PAQR8: variants seen among roughly 807,000 people sequenced by gnomAD.
PAQR8 encodes the protein progestin and adipoQ receptor family member 8.
In PAQR8, 17 loss-of-function variants were observed where a neutral mutation model predicts 25.2. The observed-to-expected ratio is 0.67, with a 90% CI of 0.46 to 1.01. The LOEUF is 1.01. Ranked by LOEUF, PAQR8 falls within the 50% of genes least tolerant of loss-of-function variation. The pLI is 0.00. For synonymous variants in PAQR8, 204 were observed against 190.6 expected, an observed-to-expected ratio of 1.07 and a Z score of -0.58; for missense variants, 392 against 448.4, an observed-to-expected ratio of 0.87 and a Z score of 1.14.
intron 1 of PAQR8, among the ~76,000 whole-genome samples, chr6:52,395,307 C>T (rs1581796438): frequency 6.7e-6 from 1 of 148,760 alleles, no homozygotes; most frequent in East Asian, 2.0e-4. Context: ...TAGATCCCTA[C>T]ATAATGCAAG....
chr6:52,372,601 CTCTT>C (rs1009990649), intron 1 of PAQR8, among the ~76,000 whole-genome samples: 13 of 152,126 alleles, frequency 8.5e-5, no homozygotes, highest in South Asian at 2.1e-4. Context: ...ATTTCTCTCT[CTCTT>C]TCTTTCTCTC....
intron 1 of PAQR8, among the ~76,000 whole-genome samples, chr6:52,368,308 G>A (rs1162435758): frequency 6.6e-6 from 1 of 152,176 alleles, no homozygotes; most frequent in Non-Finnish European, 1.5e-5. Flanking sequence ...GTGGTTCTCA[G>A]TCCTGGCTAT....
intron 1 of PAQR8, among the ~76,000 whole-genome samples, chr6:52,385,654 G>T (rs533275123): frequency 6.6e-6 from 1 of 152,258 alleles, no homozygotes; most frequent in Non-Finnish European, 1.5e-5. Flanking sequence ...GGGGCAAGGT[G>T]GGTAGATTGC....
chr6:52,401,687 G>T (rs898457228), intron 1 of PAQR8, among the ~76,000 whole-genome samples: 1 of 152,104 alleles, frequency 6.6e-6, no homozygotes, highest in African/African-American at 2.4e-5. Flanking sequence ...CCTAGAATGT[G>T]CATTGTTCTT....
chr6:52,388,337 C>T (rs981262550), intron 1 of PAQR8, among the ~76,000 whole-genome samples: 3 of 151,352 alleles, frequency 2.0e-5, no homozygotes, highest in Non-Finnish European at 4.4e-5. Flanking sequence ...GTTGGCATCA[C>T]TGCACTCCAG....
At position 52,378,491 on chromosome 6, in the gene PAQR8, C is replaced by T. The variant is rs150296539; in HGVS notation, c.-53+16242C>T. Among the ~76,000 whole-genome samples, 806 of 152,296 alleles carry T rather than the reference C, an allele frequency of 5.3e-3. 4 individuals carry two copies. The highest frequency in any genetic ancestry group is 0.02 in the Middle Eastern group (6 of 294). On this transcript the variant is annotated intron_variant, in intron 1 of 1. Transcript: ENST00000442253. ...CAAAATTTTGTGGAATATTATTCAACCTTAAAAAGGAAGAAAATTGGCCAG... is the reference window on the plus strand; with the variant it reads ...CAAAATTTTGTGGAATATTATTCAATCTTAAAAAGGAAGAAAATTGGCCAG...
intron 1 of PAQR8, among the ~76,000 whole-genome samples, chr6:52,378,120 A>G (rs541252375): frequency 1.3e-5 from 2 of 152,346 alleles, no homozygotes; most frequent in South Asian, 2.1e-4. Flanking sequence ...ATTCCATTTC[A>G]TAGAGTTGAG....
chr6:52,396,599 G>A (rs1350305134), intron 1 of PAQR8, among the ~76,000 whole-genome samples: 5 of 152,176 alleles, frequency 3.3e-5, no homozygotes, highest in Non-Finnish European at 7.3e-5. Context: ...TGAAGTGAGG[G>A]TTGGGGATGT....
chr6:52,403,750 C>T lies in PAQR8; in HGVS notation c.537C>T (p.Phe179=), dbSNP rs1347805037. The T allele has an allele frequency of 1.9e-6, 3 of 1,614,278 alleles. No homozygotes were observed. Among genetic ancestry groups the T allele is most frequent in the Non-Finnish European group, 1.7e-6 (2 of 1,180,050 alleles). ...GGTATGACCGGTTCTGGCTTTTCTT[C>T]TTGCCAGCAGCTGCCTTCTGTGGCT... ...QAWYDRFWLF[F]LPAAAFCGWL... is the part of the protein sequence containing the mutation. Residue 179 remains phenylalanine, a synonymous_variant, in exon 2 of 2, where the codon TTC becomes TTT. Transcript: ENST00000442253.
intron 1 of PAQR8, among the ~76,000 whole-genome samples, chr6:52,372,291 C>T (rs1227954200): frequency 6.6e-6 from 1 of 152,154 alleles, no homozygotes; most frequent in Non-Finnish European, 1.5e-5. Context: ...TGTAAAAGAT[C>T]TAGGTAATGA....
chr6:52,398,197 C>CT (rs869087625), intron 1 of PAQR8, among the ~76,000 whole-genome samples: 1 of 133,712 alleles, frequency 7.5e-6, no homozygotes, highest in African/African-American at 2.9e-5. Flanking sequence ...TTTTTCTTTT[C>CT]TTTTTTCTTT....
At chr6:52,387,001 C>G (rs1216071996) in intron 1 of PAQR8, among the ~76,000 whole-genome samples, 1 of 152,120 alleles carries the variant, frequency 6.6e-6, no homozygotes, top group Non-Finnish European at 1.5e-5. Flanking sequence ...TGAAGCTCTT[C>G]TATGGAATAA....
At chr6:52,376,963 T>G (rs1386740778) in intron 1 of PAQR8, among the ~76,000 whole-genome samples, 2 of 152,204 alleles carry the variant, frequency 1.3e-5, no homozygotes, top group African/African-American at 4.8e-5. Context: ...AGTGCTGACC[T>G]TGAATTTCTG....
chr6:52,374,934 A>G (rs1172582128), intron 1 of PAQR8, among the ~76,000 whole-genome samples: 1 of 149,216 alleles, frequency 6.7e-6, no homozygotes, highest in Non-Finnish European at 1.5e-5. Context: ...ATAATAATTA[A>G]TATAATATTA....
intron 1 of PAQR8, among the ~76,000 whole-genome samples, chr6:52,386,698 A>G (rs1763636657): frequency 6.6e-6 from 1 of 152,218 alleles, no homozygotes; most frequent in African/African-American, 2.4e-5. Context: ...GGCAAGGTTG[A>G]AAAACTACCT....
intron 1 of PAQR8, among the ~76,000 whole-genome samples, chr6:52,393,697 T>C (rs957530943): frequency 6.6e-6 from 1 of 152,230 alleles, no homozygotes; most frequent in African/African-American, 2.4e-5. Context: ...ATCAATGTGA[T>C]AGGCACAATG....
intron 1 of PAQR8, among the ~76,000 whole-genome samples, chr6:52,379,096 C>CAAAAAAAAAAAAAAAAA (rs70977347): frequency 1.1e-5 from 1 of 93,000 alleles, no homozygotes; most frequent in Non-Finnish European, 2.2e-5. Context: ...TACTCTTTAT[C>CAAAAAAAAAAAAAAAAA]AAAAAAAAAA....
intron 1 of PAQR8, among the ~76,000 whole-genome samples, chr6:52,385,300 C>T: frequency 6.6e-6 from 1 of 152,200 alleles, no homozygotes; most frequent in East Asian, 1.9e-4. Flanking sequence ...CTTCCATCGT[C>T]TTCTGCCATG....
At position 52,403,429 on chromosome 6, in the gene PAQR8, A is replaced by G. The variant is rs767650783; in HGVS notation, c.216A>G (p.Lys72=). The change falls in exon 2 of 2, where the codon AAA becomes AAG. Residue 72 remains lysine (K), a synonymous_variant. Coordinates refer to ENST00000442253, the MANE Select transcript of PAQR8 (RefSeq NM_133367.5). ...ACTACTTCTTCAGCCTCTTTCAGAA[A>G]CACAACGAGGTGGTCAACGTCTGGA... ...WRYYFFSLFQ[K]HNEVVNVWTH... 5.0e-6 allele frequency: 8 copies of G among 1,614,114 alleles called. No individual in the cohort carries two copies. The Admixed American group carries it at 1.2e-4, about 24-fold the overall frequency.
Sources: gnomAD v4.1 joint callset for allele counts (sites outside exome capture counted in the v4.1 genomes callset) on GRCh38, gnomAD v4.1.1 for gene constraint, MANE v1.5 for transcripts, NCBI Gene and HGNC (gene_info 2026-07-23, HGNC 2026-07-21) for gene names.